The following PCDHGA1 variants were observed in gnomAD, a reference collection of about 807,000 sequenced individuals.
The protein encoded by PCDHGA1 is protocadherin gamma-A1.
In PCDHGA1, 32 loss-of-function variants were observed where a neutral mutation model predicts 58.0. The observed-to-expected ratio is 0.55, with a 90% confidence interval of 0.42 to 0.74. The LOEUF (loss-of-function observed/expected upper bound fraction) is 0.74. Among genes scored for constraint, PCDHGA1 ranks in the 30% least tolerant of loss-of-function variants. The pLI is 0.00. For synonymous variants in PCDHGA1, 498 were observed against 501.1 expected (o/e 0.99, Z 0.08); for missense variants, 1,205 against 1,182.3 (o/e 1.02, Z -0.28).
rs70988800 is a variant in PCDHGA1, at chr5:141,379,889, C to CTTTTTTTTTTTTTTTTTTTTTTTTT, written c.2421+46790_2421+46814dup. Among the ~76,000 whole-genome samples, 41 of 50,832 alleles carry CTTTTTTTTTTTTTTTTTTTTTTTTT rather than the reference C, an allele frequency of 8.1e-4. 4 individuals are homozygous for CTTTTTTTTTTTTTTTTTTTTTTTTT. The highest frequency in any genetic ancestry group is 1.7e-3 in the Admixed American group (6 of 3,578). The allele number at this position is 50,832 out of a possible 152,430, so 33.3% of individuals were successfully genotyped here. A position where few individuals can be genotyped will look rare whatever the true frequency, so the allele number is the denominator to read the frequency against. On this transcript the variant is annotated intron_variant, in intron 1 of 3. Coordinates refer to ENST00000517417, the MANE Select transcript of PCDHGA1 (RefSeq NM_018912.3). ...CTTATTTTATGGTCTGTGAAAGCCT[C>CTTTTTTTTTTTTTTTTTTTTTTTTT]TTTTTTTTTTTTTTTTTTTTTTTTT...
At chr5:141,370,580 T>C (rs1289069128) in intron 1 of PCDHGA1, 1 of 1,613,918 alleles carries the variant, frequency 6.2e-7, no homozygotes, top group Non-Finnish European at 8.5e-7. Context: ...GGGATTTACC[T>C]ACTAGGAACC....
At chr5:141,499,343 G>C (rs1184175548) in intron 2 of PCDHGA1, among the ~76,000 whole-genome samples, 1 of 152,146 alleles carries the variant, frequency 6.6e-6, no homozygotes, top group Non-Finnish European at 1.5e-5. Context: ...AGTTTGGGCA[G>C]TCATTCAACA....
Position 141,489,268 on chromosome 5 carries a change from G to T in PCDHGA1, c.2422-5539G>T. On this transcript the variant is annotated intron_variant, in intron 1 of 3. Transcript: ENST00000517417. This position sits in a 1 kb window ranked among gnomAD's most constrained non-coding sequence, Gnocchi z 4.5. The stretch of plus-strand genomic sequence containing the variant: ...GGGGCCCAAGACACTCCCACAGCTC[G>T]CTGGGAAATGGCAAGTGCTGTGCAT... The T allele has an allele frequency of 3.9e-6, 6 of 1,553,284 alleles. No homozygotes were observed. The South Asian group carries it at 5.0e-5, about 13-fold the overall frequency.
At chr5:141,340,720 G>A in intron 1 of PCDHGA1, 6 of 1,614,068 alleles carry the variant, frequency 3.7e-6, no homozygotes, top group East Asian at 2.2e-5. Context: ...GCTCCGCAGA[G>A]CCCGGCTACC....
intron 1 of PCDHGA1, among the ~76,000 whole-genome samples, chr5:141,443,486 A>AAAAC (rs1345310906): frequency 6.6e-6 from 1 of 152,166 alleles, no homozygotes; most frequent in Non-Finnish European, 1.5e-5. Flanking sequence ...ACCCTGTCCC[A>AAAAC]AAACAAACAA....
intron 3 of PCDHGA1, among the ~76,000 whole-genome samples, chr5:141,506,132 G>T (rs114930087): frequency 1.2e-4 from 18 of 152,310 alleles, no homozygotes; most frequent in African/African-American, 4.3e-4. Context: ...CAGAGCAGGA[G>T]AAGAAGAATA....
In PCDHGA1 at chr5:141,511,067, C is replaced by T. The variant is rs760786015; in HGVS notation, c.2690C>T (p.Pro897Leu). The change falls in exon 4 of 4, where the codon CCA (proline) becomes CTA (leucine). Residue 897 changes from proline (P) to leucine (L), a missense_variant. Pro to Leu is a moderately conservative substitution (Grantham distance 98). Coordinates refer to ENST00000517417, the MANE Select transcript of PCDHGA1 (RefSeq NM_018912.3). ...VPDYRQNVYI[P>L]GSNATLTNAA... ...GACTACCGCCAGAATGTCTACATCC[C>T]AGGCAGCAATGCCACACTGACCAAC... 7.4e-6 allele frequency: 12 copies of T among 1,614,136 alleles called. No homozygotes were observed. Among genetic ancestry groups the T allele is most frequent in the African/African-American group, 1.3e-5 (1 of 74,942 alleles).
chr5:141,352,731 T>C lies in PCDHGA1; in HGVS notation c.2421+19626T>C, dbSNP rs1759098100. ...GCGGCCGGGCGCGGTGGCTCAAGCC[T>C]GTAATCCCAGCACTTAACCAGGCTG... On this transcript the variant is annotated intron_variant, in intron 1 of 3. Transcript: ENST00000517417. 2.0e-6 allele frequency: 3 copies of C among 1,516,406 alleles called. No homozygotes were observed. The East Asian group carries it at 7.4e-5, about 37-fold the overall frequency. 93.9% of individuals were successfully genotyped at this position (1,516,406 alleles called of 1,614,324 possible). A position where few individuals can be genotyped will look rare whatever the true frequency, so the allele number is the denominator to read the frequency against.
At chr5:141,338,946 T>C in intron 1 of PCDHGA1, 2 of 1,523,730 alleles carry the variant, frequency 1.3e-6, no homozygotes, top group Non-Finnish European at 8.8e-7. Context: ...GGAAGTTGAC[T>C]CGGAGAAAAT....
rs766335156 is a variant in PCDHGA1 at position 141,345,889 on chromosome 5, T to C, written c.2421+12784T>C. On this transcript the variant is annotated intron_variant, in intron 1 of 3. Transcript: ENST00000517417. ...GCCAGCGAGCCGGGACTCTTCTCGGTGGGTCTGCACACGGGCGAGGTGCGC... is the reference window on the plus strand; with the variant it reads ...GCCAGCGAGCCGGGACTCTTCTCGGCGGGTCTGCACACGGGCGAGGTGCGC... The C allele has an allele frequency of 3.1e-6, 5 of 1,613,236 alleles. No individual in the cohort carries two copies. The Admixed American group carries it at 8.3e-5, about 27-fold the overall frequency.
At chr5:141,404,812 GC>G in intron 1 of PCDHGA1, 1 of 1,611,168 alleles carries the variant, frequency 6.2e-7, no homozygotes, top group African/African-American at 1.4e-5. Context: ...TCTCGGTGGG[GC>G]TGCACACAGG....
chr5:141,342,381 G>T (rs550572607), intron 1 of PCDHGA1: 9 of 152,048 alleles, frequency 5.9e-5, no homozygotes, highest in Non-Finnish European at 1.0e-4. Flanking sequence ...TAGTATGTTG[G>T]TTATGTATTT....
chr5:141,499,635 A>C (rs578081078), intron 2 of PCDHGA1, among the ~76,000 whole-genome samples: 16 of 152,136 alleles, frequency 1.1e-4, no homozygotes, highest in African/African-American at 3.6e-4. Context: ...CTTTTGAAGC[A>C]AATCTCAGAC....
intron 3 of PCDHGA1, among the ~76,000 whole-genome samples, chr5:141,509,345 G>A (rs1203328830): frequency 6.6e-6 from 1 of 152,196 alleles, no homozygotes; most frequent in Non-Finnish European, 1.5e-5. Flanking sequence ...GGCCTGGGCT[G>A]GCCTGGGCAT....
At chr5:141,351,531 G>A (rs1280732085) in intron 1 of PCDHGA1, 7 of 1,613,842 alleles carry the variant, frequency 4.3e-6, no homozygotes, top group East Asian at 2.2e-5. Flanking sequence ...ACCGACAAGG[G>A]CAAACCAGCC....
At chr5:141,356,697 A>G in intron 1 of PCDHGA1, 3 of 1,613,888 alleles carry the variant, frequency 1.9e-6, no homozygotes, top group Non-Finnish European at 2.5e-6. Context: ...TCCAGGGTGC[A>G]CCTCTGTCCT....
rs562192762 is a variant in PCDHGA1, at chr5:141,485,718, T to C, written c.2422-9089T>C. 1 of 1,614,058 alleles carries C rather than the reference T, an allele frequency of 6.2e-7. No homozygotes were observed. The highest frequency in any genetic ancestry group is 2.2e-5 in the East Asian group (1 of 44,866). On this transcript the variant is annotated intron_variant, in intron 1 of 3. Coordinates refer to ENST00000517417, the MANE Select transcript of PCDHGA1 (RefSeq NM_018912.3). This position sits in a 1 kb window ranked among gnomAD's most constrained non-coding sequence, Gnocchi z 5.7. ...TCCAATGAACACTTTGCACTGGATG[T>C]GAAGAAGCGCAGCGACGGCAGCCTG...
intron 1 of PCDHGA1, among the ~76,000 whole-genome samples, chr5:141,452,267 G>C (rs995249228): frequency 1.3e-5 from 2 of 151,882 alleles, no homozygotes; most frequent in Non-Finnish European, 2.9e-5. Context: ...TCATTTTCTT[G>C]AACCCTTTCT....
intron 1 of PCDHGA1, chr5:141,339,560 G>C (rs1341781160): frequency 8.1e-6 from 13 of 1,614,032 alleles, no homozygotes; most frequent in African/African-American, 1.3e-5. Context: ...ACTGGTGCTG[G>C]AGCGCTCTCT....
Sources: allele counts gnomAD v4.1 joint callset (sites outside exome capture counted in the v4.1 genomes callset), GRCh38; gene constraint gnomAD v4.1.1; non-coding constraint Gnocchi (gnomAD v3.1); transcripts MANE v1.5; gene names NCBI Gene and HGNC (gene_info 2026-07-23, HGNC 2026-07-21).